HTR4: variants seen among roughly 807,000 people sequenced by gnomAD.
HTR4 encodes 5-hydroxytryptamine (serotonin) receptor 4, G protein-coupled.
A neutral mutation model predicts 36.8 loss-of-function variants in HTR4; 16 were observed. The observed-to-expected ratio is 0.43, with a 90% CI of 0.29 to 0.66. The LOEUF (loss-of-function observed/expected upper bound fraction) is 0.66, where lower values mean the gene tolerates loss of function less well. HTR4 is among the 30% of genes least tolerant of loss of function. The probability of loss-of-function intolerance (pLI) is 0.13; values close to 1 mark genes in which losing one functional copy is unlikely to be tolerated. For synonymous variants in HTR4, 189 were observed against 185.1 expected, an observed-to-expected ratio of 1.02 and a Z score of -0.17; for missense variants, 438 against 490.9, an observed-to-expected ratio of 0.89 and a Z score of 1.02.
At chr5:148,624,013 G>C (rs1174206706) in intron 2 of HTR4, among the ~76,000 whole-genome samples, 1 of 152,164 alleles carries the variant, frequency 6.6e-6, no homozygotes, top group African/African-American at 2.4e-5. Context: ...CTTAGAGTGG[G>C]CTATTTGTAT....
chr5:148,579,114 C>T (rs1761037716), intron 2 of HTR4, among the ~76,000 whole-genome samples: 2 of 152,044 alleles, frequency 1.3e-5, no homozygotes, highest in Non-Finnish European at 1.5e-5. Context: ...TCAGTTTCTG[C>T]CAATTTAATT....
rs573920816 is a variant in HTR4 at position 148,544,574 on chromosome 5, CA to C, written c.353+4093del. Among the ~76,000 whole-genome samples the C allele has an allele frequency of 2.2e-3, 332 of 152,164 alleles. 2 individuals are homozygous for C. Among genetic ancestry groups the C allele is most frequent in the Non-Finnish European group, 3.1e-3 (208 of 68,014 alleles). Reference sequence around the variant, plus strand: ...GACTACTTGGTTAGCTTTTATTCACCACAGTACTTTAGATCTTAAAAAAATC... The same window carrying C: ...GACTACTTGGTTAGCTTTTATTCACCCAGTACTTTAGATCTTAAAAAAATC... On this transcript the variant is annotated intron_variant, in intron 4 of 6. Transcript: ENST00000377888.
intron 6 of HTR4, among the ~76,000 whole-genome samples, chr5:148,501,315 T>C (rs975058324): frequency 6.6e-6 from 1 of 152,226 alleles, no homozygotes; most frequent in Non-Finnish European, 1.5e-5. Context: ...CTATGGTTTT[T>C]ATGAATGTCT....
intron 1 of HTR4, among the ~76,000 whole-genome samples, chr5:148,643,517 TG>T (rs1308610118): frequency 6.6e-6 from 1 of 151,968 alleles, no homozygotes; most frequent in East Asian, 1.9e-4. Flanking sequence ...GGGAATTTTG[TG>T]GGGAAAAAAA....
chr5:148,566,927 C>A (rs920959938), intron 2 of HTR4, among the ~76,000 whole-genome samples: 1 of 151,352 alleles, frequency 6.6e-6, no homozygotes, highest in Non-Finnish European at 1.5e-5. Flanking sequence ...TATTTCCCAT[C>A]AAATGTGTAT....
intron 6 of HTR4, among the ~76,000 whole-genome samples, chr5:148,500,261 A>G (rs748586512): frequency 2.6e-4 from 39 of 152,130 alleles, no homozygotes; most frequent in Non-Finnish European, 5.0e-4. Context: ...GAGTGAGGTG[A>G]CAGCATGAAG....
intron 6 of HTR4, among the ~76,000 whole-genome samples, chr5:148,484,745 A>G (rs1003227061): frequency 6.6e-6 from 1 of 152,164 alleles, no homozygotes; most frequent in Non-Finnish European, 1.5e-5. Context: ...AAATCTAACT[A>G]TTTCTGGGTT....
chr5:148,476,754 A>G, downstream of HTR4: 5 of 1,613,430 alleles, frequency 3.1e-6, no homozygotes, highest in Middle Eastern at 1.7e-4. Context: ...ATCTGGTAGG[A>G]GAGATCAAAA....
intron 2 of HTR4, among the ~76,000 whole-genome samples, chr5:148,615,290 A>G (rs887039072): frequency 3.3e-5 from 5 of 152,170 alleles, no homozygotes; most frequent in Non-Finnish European, 5.9e-5. Context: ...CAAATGTCCA[A>G]CATTGATAGA....
Position 148,471,448 on chromosome 5 carries a change from G to T in HTR4, c.1077-20176C>A, listed in dbSNP as rs146170649. ...GAATCATGCCTTCCTTGTAAAGGAA[G>T]GCAATAATATATTCCTTAATCCAGT... is the stretch of plus-strand genomic sequence containing the variant. On this transcript the variant is annotated intron_variant, in intron 5 of 5. Coordinates refer to the HTR4 transcript ENST00000521530. Among the ~76,000 whole-genome samples, 415 of 152,242 alleles carry T rather than the reference G, an allele frequency of 2.7e-3. 1 individual carries two copies. Among genetic ancestry groups the T allele is most frequent in the African/African-American group, 9.2e-3 (384 of 41,550 alleles).
intron 4 of HTR4, among the ~76,000 whole-genome samples, chr5:148,533,293 T>A (rs935686001): frequency 6.6e-6 from 1 of 152,224 alleles, no homozygotes; most frequent in Non-Finnish European, 1.5e-5. Context: ...TTAACTAAAA[T>A]GAAGCAAGGA....
Position 148,569,133 on chromosome 5 carries a change from CAG to C in HTR4, c.27-18873_27-18872del, listed in dbSNP as rs1257563985. Among the ~76,000 whole-genome samples, 4 of 151,786 alleles carry C rather than the reference CAG, an allele frequency of 2.6e-5. 1 individual carries two copies. The highest frequency in any genetic ancestry group is 9.7e-5 in the African/African-American group (4 of 41,308). ...TTTCATCAGGAATATATCTGATCAGCAGAGAGTTCAGTCATATTTGTAATATT... is the reference window on the plus strand; with the variant it reads ...TTTCATCAGGAATATATCTGATCAGCAGAGTTCAGTCATATTTGTAATATT... On this transcript the variant is annotated intron_variant, in intron 2 of 6. Transcript: ENST00000377888.
At chr5:148,484,337 C>G in intron 6 of HTR4, 1 of 1,613,218 alleles carries the variant, frequency 6.2e-7, no homozygotes. Flanking sequence ...CAGGCTTTGT[C>G]CAATACCTTG....
intron 6 of HTR4, among the ~76,000 whole-genome samples, chr5:148,498,782 T>C (rs1291237001): frequency 1.3e-5 from 2 of 152,166 alleles, no homozygotes; most frequent in African/African-American, 4.8e-5. Flanking sequence ...TTTAAATTGA[T>C]TCTTTGTTTG....
At chr5:148,491,485 G>A (rs892496033) in intron 6 of HTR4, among the ~76,000 whole-genome samples, 1 of 152,076 alleles carries the variant, frequency 6.6e-6, no homozygotes, top group African/African-American at 2.4e-5. Context: ...TTTGAAGCAG[G>A]GTTTCTTAAC....
chr5:148,484,344 C>G lies in HTR4; in HGVS notation c.1077-1051G>C, dbSNP rs1756046579. On this transcript the variant is annotated intron_variant, in intron 6 of 6. Transcript: ENST00000377888. The stretch of plus-strand genomic sequence containing the variant: ...CGCTCTGGCAGGCTTTGTCCAATAC[C>G]TTGCTAAAATGTCTCTGTCAAACAG... 1 of 1,613,078 alleles carries G rather than the reference C, an allele frequency of 6.2e-7. No homozygotes were observed. Among genetic ancestry groups the G allele is most frequent in the Admixed American group, 1.7e-5 (1 of 60,012 alleles).
intron 2 of HTR4, among the ~76,000 whole-genome samples, chr5:148,635,148 C>T (rs1439344625): frequency 2.0e-5 from 3 of 152,052 alleles, no homozygotes; most frequent in South Asian, 2.1e-4. Context: ...TATTATTACT[C>T]ATCCTAAGGA....
chr5:148,516,162 T>G (rs1029036220), intron 5 of HTR4, among the ~76,000 whole-genome samples: 5 of 151,638 alleles, frequency 3.3e-5, no homozygotes, highest in Non-Finnish European at 7.4e-5. Context: ...CTTGAATTGA[T>G]ATTGTTATCA....
chr5:148,453,941 G>A lies in HTR4; in HGVS notation c.1077-2669C>T, dbSNP rs1451496397. On this transcript the variant is annotated intron_variant, in intron 5 of 5. Coordinates refer to the HTR4 transcript ENST00000521530. ...GGTGGTGAGGAATGGTCAGACTCTGGATATAGAAATATAACTCCCAGTAGC... is the reference window on the plus strand; with the variant it reads ...GGTGGTGAGGAATGGTCAGACTCTGAATATAGAAATATAACTCCCAGTAGC... 1.3e-5 allele frequency among the ~76,000 whole-genome samples: 2 copies of A among 152,156 alleles called. 1 individual carries two copies. The highest frequency in any genetic ancestry group is 2.9e-5 in the Non-Finnish European group (2 of 68,030).
Sources: gnomAD v4.1 joint callset for allele counts (sites outside exome capture counted in the v4.1 genomes callset) on GRCh38, gnomAD v4.1.1 for gene constraint, MANE v1.5 for transcripts, NCBI Gene and HGNC (gene_info 2026-07-23, HGNC 2026-07-21) for gene names.